Variants in NEK1 observed in about 807,000 individuals in gnomAD.
The protein encoded by NEK1 is serine/threonine-protein kinase Nek1.
A neutral mutation model predicts 182.1 loss-of-function variants in NEK1; 137 were observed. The ratio of observed to expected loss-of-function variants is 0.75; its 90% CI spans 0.65 to 0.87. NEK1 has a LOEUF of 0.87. NEK1 is among the 40% of genes least tolerant of loss of function. The pLI is 0.00. For missense variants in NEK1, 1,391 were observed against 1,494.4 expected, an observed-to-expected ratio of 0.93 and a Z score of 1.14; for synonymous variants, 513 against 492.2, an observed-to-expected ratio of 1.04 and a Z score of -0.56.
At chr4:169,489,961 G>A (rs544022619) in intron 23 of NEK1, among the ~76,000 whole-genome samples, 40 of 152,160 alleles carry the variant, frequency 2.6e-4, no homozygotes, top group African/African-American at 8.9e-4. Flanking sequence ...GGAAGACAGT[G>A]GGCCCAGGAC....
intron 18 of NEK1, among the ~76,000 whole-genome samples, chr4:169,541,661 C>A (rs891025659): frequency 2.0e-5 from 3 of 152,058 alleles, no homozygotes; most frequent in Non-Finnish European, 4.4e-5. Flanking sequence ...ATTGTGACAG[C>A]GTGCAGAGAA....
At chr4:169,495,539 G>A (rs1751076702) in intron 23 of NEK1, among the ~76,000 whole-genome samples, 2 of 152,084 alleles carry the variant, frequency 1.3e-5, no homozygotes, top group African/African-American at 2.4e-5. Context: ...ACCGTGCCCG[G>A]CCCATTTAAG....
intron 29 of NEK1, among the ~76,000 whole-genome samples, chr4:169,432,463 T>C (rs190884438): frequency 1.7e-4 from 26 of 152,274 alleles, no homozygotes; most frequent in African/African-American, 6.3e-4. Context: ...TGTCAATCAA[T>C]GTCCAGCAGG....
intron 32 of NEK1, among the ~76,000 whole-genome samples, chr4:169,404,312 G>T (rs1287473288): frequency 6.6e-6 from 1 of 152,052 alleles, no homozygotes; most frequent in African/African-American, 2.4e-5. Flanking sequence ...CTTCTAGATT[G>T]TAAGGTCATT....
intron 19 of NEK1, among the ~76,000 whole-genome samples, chr4:169,509,642 T>G (rs1350489997): frequency 6.6e-6 from 1 of 152,154 alleles, no homozygotes; most frequent in Non-Finnish European, 1.5e-5. Context: ...ACAACTGAAA[T>G]GAGCCCTTCT....
chr4:169,578,723 A>G (rs1302652484), intron 11 of NEK1, among the ~76,000 whole-genome samples: 2 of 152,190 alleles, frequency 1.3e-5, no homozygotes, highest in Admixed American at 1.3e-4. Context: ...TTTTGCATAT[A>G]ATTTAGTAAA....
At chr4:169,561,964 C>T (rs1206347257) in intron 13 of NEK1, 73 bp from the exon 14 acceptor site, 19 of 1,288,380 alleles carry the variant, frequency 1.5e-5, no homozygotes, top group South Asian at 6.8e-5. Flanking sequence ...AAAGTTAGTA[C>T]ACCAATGGCA....
At chr4:169,486,933 C>T (rs1388272701) in intron 23 of NEK1, among the ~76,000 whole-genome samples, 1 of 152,118 alleles carries the variant, frequency 6.6e-6, no homozygotes, top group Non-Finnish European at 1.5e-5. Context: ...AAAACTGAAT[C>T]GATCTTCCTT....
intron 22 of NEK1, 38 bp downstream of exon 22, chr4:169,507,677 T>C: frequency 6.6e-7 from 1 of 1,507,096 alleles, no homozygotes; most frequent in Non-Finnish European, 9.2e-7. Context: ...CAGCTTTCAA[T>C]TTTCTCTAAG....
intron 2 of NEK1, among the ~76,000 whole-genome samples, chr4:169,609,447 C>T (rs536904499): frequency 1.2e-3 from 177 of 152,274 alleles, no homozygotes; most frequent in African/African-American, 3.6e-3. Flanking sequence ...TAATCATTCA[C>T]ATACAGTCAA....
intron 26 of NEK1, among the ~76,000 whole-genome samples, chr4:169,465,112 C>T (rs985827026): frequency 2.6e-5 from 4 of 151,968 alleles, no homozygotes; most frequent in African/African-American, 7.2e-5. Context: ...TGCAAATTAG[C>T]AGATAATAAT....
chr4:169,610,198 C>T (rs575191001), intron 2 of NEK1, among the ~76,000 whole-genome samples: 6 of 152,134 alleles, frequency 3.9e-5, no homozygotes, highest in South Asian at 4.2e-4. Context: ...GACGGGGTTT[C>T]GCCATACTGG....
intron 18 of NEK1, among the ~76,000 whole-genome samples, chr4:169,538,575 T>C (rs1406774735): frequency 6.6e-6 from 1 of 152,190 alleles, no homozygotes; most frequent in East Asian, 1.9e-4. Flanking sequence ...TGATTAAGCA[T>C]CTACTATATA....
rs779012657 is a variant in NEK1, at chr4:169,401,740, A to G, written c.3495T>C (p.Asp1165=). The change falls in exon 33 of 36, where the codon GAT becomes GAC. Residue 1165 remains aspartate (D), a synonymous_variant. Coordinates refer to ENST00000507142, the MANE Select transcript of NEK1 (RefSeq NM_001199397.3). ...EEEESVLKNS[D]VEPTANGTDV... is the part of the protein sequence containing the mutation. ...CTGTCCCATTTGCAGTTGGCTCCAC[A>G]TCACTGTTCTTCAAGACTGACTCTT... 1 of 1,613,950 alleles carries G rather than the reference A, an allele frequency of 6.2e-7. No individual in the cohort carries two copies. Among genetic ancestry groups the G allele is most frequent in the South Asian group, 1.1e-5 (1 of 91,080 alleles).
At chr4:169,498,739 C>G (rs943634748) in intron 23 of NEK1, among the ~76,000 whole-genome samples, 8 of 152,230 alleles carry the variant, frequency 5.3e-5, no homozygotes, top group African/African-American at 1.4e-4. Flanking sequence ...GGCCCCCACT[C>G]TCTTCTGGCT....
chr4:169,432,445 A>C (rs1056686000), intron 29 of NEK1, among the ~76,000 whole-genome samples: 2 of 152,198 alleles, frequency 1.3e-5, no homozygotes, highest in Admixed American at 1.3e-4. Flanking sequence ...TTGCAGCATC[A>C]TTTGTAATGT....
rs200825809 is a variant in NEK1, at chr4:169,602,542, T to C, written c.89A>G (p.Tyr30Cys). 17 of 1,599,860 alleles carry C rather than the reference T, an allele frequency of 1.1e-5. No homozygotes were observed. Among genetic ancestry groups the C allele is most frequent in the Non-Finnish European group, 1.4e-5 (16 of 1,168,364 alleles). The stretch of plus-strand genomic sequence containing the variant: ...TGAGATGTTAATTTCCTTGATAACA[T>C]ACTGTCTGCCATCTTCTGTAGATTT... The part of the protein sequence containing the change: ...LVKSTEDGRQ[Y>C]VIKEINISRM... Residue 30 changes from tyrosine (Y) to cysteine (C), a missense_variant, in exon 3 of 36, where the codon TAT (tyrosine) becomes TGT (cysteine). Physicochemically the swap from Tyr to Cys is radical, Grantham distance 194. This residue lies in a region of NEK1 where 42 missense variants were observed against 47.9 expected (regional missense o/e 0.88). Coordinates refer to ENST00000507142, the MANE Select transcript of NEK1 (RefSeq NM_001199397.3).
intron 35 of NEK1, among the ~76,000 whole-genome samples, chr4:169,398,610 A>G (rs1731116124): frequency 6.6e-6 from 1 of 152,178 alleles, no homozygotes; most frequent in African/African-American, 2.4e-5. Context: ...CCTTTTGAAC[A>G]TGAAGTTTGT....
intron 2 of NEK1, among the ~76,000 whole-genome samples, chr4:169,608,335 T>C (rs1017276945): frequency 6.6e-6 from 1 of 152,192 alleles, no homozygotes; most frequent in South Asian, 2.1e-4. Flanking sequence ...GGAAAAAAGA[T>C]GAATTTTGAA....
Sources: allele counts gnomAD v4.1 joint callset (sites outside exome capture counted in the v4.1 genomes callset), GRCh38; gene constraint gnomAD v4.1.1; regional missense constraint gnomAD v4.1.1; transcripts MANE v1.5; gene names NCBI Gene and HGNC (gene_info 2026-07-23, HGNC 2026-07-21).